Variants in SYNE1 observed in about 807,000 individuals in gnomAD.
The protein encoded by SYNE1 is spectrin repeat containing nuclear envelope protein 1.
Under a neutral mutation model 1,111.0 loss-of-function variants are expected in SYNE1, and 616 were observed. The observed-to-expected ratio is 0.55, with a 90% CI of 0.52 to 0.59. SYNE1 has a LOEUF of 0.59. SYNE1 is among the 20% of genes least tolerant of loss of function. SYNE1 has a pLI of 0.00. For synonymous variants in SYNE1, 3,855 were observed against 3,825.8 expected (o/e 1.01, Z -0.28); for missense variants, 10,006 against 10,417.0 (o/e 0.96, Z 1.72).
chr6:152,354,720 C>A lies in SYNE1; in HGVS notation c.10865G>T (p.Ser3622Ile). Residue 3622 changes from serine to isoleucine, a missense_variant, in exon 67 of 146, where the codon AGT becomes ATT. Ser to Ile is a moderately radical substitution (Grantham distance 142). Transcript: ENST00000367255. Reference protein sequence around the residue: ...EWLKTAEEKVSPRTRRQSNRA... With the variant: ...EWLKTAEEKVIPRTRRQSNRA... ...GTTAGACTGACGTCTGGTCCTGGGA[C>A]TAACTTTCTCCTCTGCTGTTTTGAG... 1 of 1,614,222 alleles carries A rather than the reference C, an allele frequency of 6.2e-7. No individual in the cohort carries two copies. Among genetic ancestry groups the A allele is most frequent in the Non-Finnish European group, 8.5e-7 (1 of 1,180,038 alleles).
At chr6:152,489,446 G>A (rs1409283223) in intron 11 of SYNE1, among the ~76,000 whole-genome samples, 1 of 143,530 alleles carries the variant, frequency 7.0e-6, no homozygotes, top group Non-Finnish European at 1.5e-5. Context: ...AGCTCTGTGA[G>A]CTTGGTGTGT....
intron 41 of SYNE1, among the ~76,000 whole-genome samples, 193 bp from the exon 42 acceptor site, chr6:152,413,724 G>A (rs1039254192): frequency 6.6e-6 from 1 of 152,102 alleles, no homozygotes; most frequent in Non-Finnish European, 1.5e-5. Context: ...AACTCAGACT[G>A]TACCTCAGAA....
intron 106 of SYNE1, 123 bp downstream of exon 106, chr6:152,244,414 A>G: frequency 6.8e-7 from 1 of 1,465,334 alleles, no homozygotes; most frequent in Non-Finnish European, 9.5e-7. Context: ...GTTGCTTGGT[A>G]GAAAGGTTAG....
chr6:152,369,441 G>T (rs1357977116), intron 60 of SYNE1, 30 bp downstream of exon 60: 1 of 1,614,100 alleles, frequency 6.2e-7, no homozygotes, highest in South Asian at 1.1e-5. Flanking sequence ...GACTAGGTCA[G>T]ATGGGGCTAC....
At chr6:152,186,347 G>A (rs1236072273) in intron 128 of SYNE1, among the ~76,000 whole-genome samples, 3 of 151,690 alleles carry the variant, frequency 2.0e-5, no homozygotes, top group Admixed American at 6.6e-5. Context: ...ACCTGGGGTC[G>A]GGAGTTGGAG....
At position 152,401,415 on chromosome 6, in the gene SYNE1, C is replaced by T. The variant is rs187944829; in HGVS notation, c.6826-74G>A. 2,007 of 1,447,544 alleles carry T rather than the reference C, an allele frequency of 1.4e-3. 28 individuals are homozygous for T. The Admixed American group carries it at 0.029, about 21-fold the overall frequency. The allele number at this position is 1,447,544 out of a possible 1,614,324, so 89.7% of individuals were successfully genotyped here. A position where few individuals can be genotyped will look rare whatever the true frequency, so the allele number is the denominator to read the frequency against. Reference sequence around the variant, plus strand: ...ACTCATTCAGTAGAAATTCTGTTCACGTGCAGCTTAATTGTCAAAGCCACA... The same window carrying T: ...ACTCATTCAGTAGAAATTCTGTTCATGTGCAGCTTAATTGTCAAAGCCACA... On this transcript the variant is annotated intron_variant, in intron 46 of 145. Transcript: ENST00000367255.
At chr6:152,523,782 T>C (rs1166225172) in intron 5 of SYNE1, among the ~76,000 whole-genome samples, 2 of 152,110 alleles carry the variant, frequency 1.3e-5, no homozygotes, top group Non-Finnish European at 2.9e-5. Flanking sequence ...TGATTAAATA[T>C]GTTCCTAGAT....
At position 152,202,073 on chromosome 6, in the gene SYNE1, G is replaced by A. The variant is rs116710739; in HGVS notation, c.23020-124C>T. 5.3e-3 allele frequency: 6,895 copies of A among 1,299,146 alleles called. 249 individuals carry two copies. The African/African-American group carries it at 0.087, about 16-fold the overall frequency. The allele number at this position is 1,299,146 out of a possible 1,614,324, so 80.5% of individuals were successfully genotyped here. ...ATGAAAGTTACACTGATGGCTGAGTGTGGTGGCTCACGCGTGTAATCCCAG... is the reference window on the plus strand; with the variant it reads ...ATGAAAGTTACACTGATGGCTGAGTATGGTGGCTCACGCGTGTAATCCCAG... On this transcript the variant is annotated intron_variant, in intron 126 of 145. Transcript: ENST00000367255.
At chr6:152,630,678 C>G (rs1391243115) in intron 2 of SYNE1, among the ~76,000 whole-genome samples, 1 of 152,174 alleles carries the variant, frequency 6.6e-6, no homozygotes, top group African/African-American at 2.4e-5. Flanking sequence ...CATTTATCTG[C>G]ATGTATGTTA....
At chr6:152,350,080 C>T in intron 72 of SYNE1, 88 bp downstream of exon 72, 3 of 1,480,920 alleles carry the variant, frequency 2.0e-6, no homozygotes, top group Non-Finnish European at 2.8e-6. Flanking sequence ...GTGTGTGCAC[C>T]CCCACACATG....
chr6:152,566,266 C>T (rs933729753), intron 3 of SYNE1, among the ~76,000 whole-genome samples: 1 of 152,046 alleles, frequency 6.6e-6, no homozygotes, highest in African/African-American at 2.4e-5. Flanking sequence ...CACAGAGATG[C>T]TGGCAGGTTT....
intron 59 of SYNE1, among the ~76,000 whole-genome samples, chr6:152,371,585 GGGGAGGGGAGGAGAGGAGAGGGGAAA>G (rs2097180388): frequency 7.2e-6 from 1 of 139,786 alleles, no homozygotes; most frequent in African/African-American, 2.7e-5. Flanking sequence ...GGAGATGAGA[GGGGAGGGGAGGAGAGGAGAGGGGAAA>G]GGGAGGGGAG....
chr6:152,311,332 G>A (rs993369130), intron 87 of SYNE1, among the ~76,000 whole-genome samples: 1 of 152,146 alleles, frequency 6.6e-6, no homozygotes, highest in Non-Finnish European at 1.5e-5. Context: ...AAGAACAAGA[G>A]CATTACAAGC....
intron 3 of SYNE1, among the ~76,000 whole-genome samples, chr6:152,558,165 C>T (rs2099378617): frequency 6.6e-6 from 1 of 151,978 alleles, no homozygotes; most frequent in Non-Finnish European, 1.5e-5. Context: ...TTCATGTAAG[C>T]CTCATGTTAC....
chr6:152,628,547 T>C lies in SYNE1; in HGVS notation c.-216A>G, dbSNP rs149614104. ...TTTAAGACTGTCCTCTTACATGAAC[T>C]CAAGAACCTGAAAAACAAAAAAGAA... On this transcript the variant is annotated 5_prime_UTR_variant, in exon 3 of 146. Coordinates refer to ENST00000367255, the MANE Select transcript of SYNE1 (RefSeq NM_182961.4). 5.4e-6 allele frequency: 3 copies of C among 559,260 alleles called. No individual in the cohort carries two copies. The highest frequency in any genetic ancestry group is 1.9e-5 in the African/African-American group (1 of 53,122). The allele number at this position is 559,260 out of a possible 1,614,324, so 34.6% of individuals were successfully genotyped here. A position where few individuals can be genotyped will look rare whatever the true frequency, so the allele number is the denominator to read the frequency against.
At chr6:152,562,132 G>A (rs1386427566) in intron 3 of SYNE1, among the ~76,000 whole-genome samples, 3 of 152,148 alleles carry the variant, frequency 2.0e-5, no homozygotes, top group Non-Finnish European at 2.9e-5. Flanking sequence ...AACCTAGGGA[G>A]TGGAGAAAAT....
chr6:152,636,003 C>A (rs1459290098), intron 2 of SYNE1, among the ~76,000 whole-genome samples: 1 of 152,226 alleles, frequency 6.6e-6, no homozygotes, highest in Non-Finnish European at 1.5e-5. Context: ...ATGCACCTGG[C>A]CGCCTGTGCA....
At chr6:152,445,163 G>A (rs1225526272) in intron 29 of SYNE1, among the ~76,000 whole-genome samples, 1 of 151,616 alleles carries the variant, frequency 6.6e-6, no homozygotes, top group East Asian at 1.9e-4. Flanking sequence ...TGCCTTTTAG[G>A]TCTCTTTCAT....
intron 73 of SYNE1, among the ~76,000 whole-genome samples, chr6:152,346,736 G>A (rs1200996036): frequency 6.6e-6 from 1 of 152,052 alleles, no homozygotes; most frequent in Non-Finnish European, 1.5e-5. Flanking sequence ...CGTGAACCTG[G>A]GAGGCGGAGC....
Sources: allele counts gnomAD v4.1 joint callset (sites outside exome capture counted in the v4.1 genomes callset), GRCh38; gene constraint gnomAD v4.1.1; transcripts MANE v1.5; gene names NCBI Gene and HGNC (gene_info 2026-07-23, HGNC 2026-07-21).